APP: variants seen among roughly 807,000 people sequenced by gnomAD.
APP encodes the protein amyloid-beta precursor protein.
APP carries 31 observed loss-of-function variants against 101.4 expected under a neutral mutation model. The ratio of observed to expected loss-of-function variants is 0.31; its 90% CI spans 0.23 to 0.41. The LOEUF (loss-of-function observed/expected upper bound fraction) is 0.41. Ranked by LOEUF, APP falls within the 10% of genes least tolerant of loss-of-function variation. The probability of loss-of-function intolerance (pLI) is 1.00; values close to 1 mark genes in which losing one functional copy is unlikely to be tolerated. For synonymous variants in APP, 366 were observed against 364.4 expected (o/e 1.00, Z -0.05); for missense variants, 839 against 1,003.7 (o/e 0.84, Z 2.22).
intron 3 of APP, among the ~76,000 whole-genome samples, chr21:26,064,231 C>T (rs1285299542): frequency 6.6e-6 from 1 of 152,092 alleles, no homozygotes; most frequent in East Asian, 1.9e-4. Flanking sequence ...AAACTAAGGA[C>T]ATCTGAATAA....
At chr21:26,099,495 C>A (rs180908452) in intron 2 of APP, among the ~76,000 whole-genome samples, 2 of 152,162 alleles carry the variant, frequency 1.3e-5, no homozygotes, top group East Asian at 3.8e-4. Flanking sequence ...AAAATCGATG[C>A]CATTTCTAAG....
At chr21:25,899,739 CTG>C (rs1035233776) in intron 15 of APP, among the ~76,000 whole-genome samples, 15 of 152,310 alleles carry the variant, frequency 9.8e-5, no homozygotes, top group African/African-American at 2.6e-4. Flanking sequence ...CCTATAAAAA[CTG>C]TAAGAAACTA....
intron 3 of APP, among the ~76,000 whole-genome samples, chr21:26,066,101 T>C (rs1342331330): frequency 6.6e-6 from 1 of 152,186 alleles, no homozygotes; most frequent in African/African-American, 2.4e-5. Flanking sequence ...GCAGGGCTTC[T>C]CAAGCTTTAC....
intron 3 of APP, among the ~76,000 whole-genome samples, chr21:26,084,801 T>G (rs1046509516): frequency 3.3e-5 from 5 of 152,246 alleles, no homozygotes; most frequent in Admixed American, 6.5e-5. Flanking sequence ...TATTTTCTTT[T>G]ATTTTGGCAT....
At chr21:26,031,957 A>C (rs938246738) in intron 5 of APP, among the ~76,000 whole-genome samples, 2 of 152,232 alleles carry the variant, frequency 1.3e-5, no homozygotes, top group Admixed American at 1.3e-4. Flanking sequence ...GTCCAGGAGA[A>C]GAAGCCATGT....
chr21:26,166,385 A>G (rs1201153846), intron 1 of APP, among the ~76,000 whole-genome samples: 1 of 152,142 alleles, frequency 6.6e-6, no homozygotes, highest in African/African-American at 2.4e-5. Context: ...AGGGTTTGCA[A>G]AAGACGGCAT....
chr21:25,968,104 G>A (rs1158763126), intron 11 of APP, among the ~76,000 whole-genome samples: 1 of 152,088 alleles, frequency 6.6e-6, no homozygotes, highest in Admixed American at 6.5e-5. Context: ...TTCCCATGGG[G>A]AAAACAACTA....
At position 26,050,986 on chromosome 21, in the gene APP, A is replaced by T. The variant is rs1424452023; in HGVS notation, c.662+14T>A. On this transcript the variant is annotated intron_variant, in intron 5 of 17. Transcript: ENST00000346798. The stretch of plus-strand genomic sequence containing the variant: ...TTTCAGCATCTCTGAGGCTGAACAC[A>T]AAGGCCACCTTACCTCCCATCTGCA... 1.2e-6 allele frequency: 2 copies of T among 1,613,908 alleles called. No homozygotes were observed. Among genetic ancestry groups the T allele is most frequent in the Non-Finnish European group, 1.7e-6 (2 of 1,179,968 alleles).
intron 14 of APP, among the ~76,000 whole-genome samples, chr21:25,910,789 A>T (rs1229242846): frequency 4.6e-5 from 7 of 152,254 alleles, no homozygotes. Context: ...ACACAAATTA[A>T]GTCTTAAGCA....
intron 6 of APP, chr21:26,009,572 A>T (rs1028113715): frequency 2.0e-5 from 3 of 149,706 alleles, no homozygotes; most frequent in African/African-American, 7.3e-5. Flanking sequence ...GGCTTAGAAT[A>T]TACTTCCTTT....
intron 8 of APP, among the ~76,000 whole-genome samples, chr21:25,984,502 G>A (rs2042564463): frequency 6.6e-6 from 1 of 152,006 alleles, no homozygotes; most frequent in Non-Finnish European, 1.5e-5. Context: ...GACCTTTTTG[G>A]AAAAAAGGTA....
At chr21:25,984,356 C>G (rs9636777) in intron 8 of APP, among the ~76,000 whole-genome samples, 34,980 of 151,820 alleles carry the variant, frequency 0.23, 4,426 homozygotes, top group East Asian at 0.43. Context: ...CACAGGATCA[C>G]AAAGTGCAAC....
intron 1 of APP, among the ~76,000 whole-genome samples, chr21:26,129,533 G>T (rs2062750809): frequency 6.6e-6 from 1 of 152,012 alleles, no homozygotes. Context: ...AATCATGGTG[G>T]TTTGTTCCAA....
At chr21:25,887,857 T>C (rs2037439617) in intron 17 of APP, among the ~76,000 whole-genome samples, 1 of 152,204 alleles carries the variant, frequency 6.6e-6, no homozygotes, top group African/African-American at 2.4e-5. Context: ...TTTATGATGT[T>C]TGCACAGCGA....
rs2063352821 is a variant in APP, at chr21:26,155,324, CATA to C, written c.57+15237_57+15239del. Among the ~76,000 whole-genome samples, 7 of 152,106 alleles carry C rather than the reference CATA, an allele frequency of 4.6e-5. No individual in the cohort carries two copies. The South Asian group carries it at 1.4e-3, about 31-fold the overall frequency. On this transcript the variant is annotated intron_variant, in intron 1 of 17. Coordinates refer to ENST00000346798, the MANE Select transcript of APP (RefSeq NM_000484.4). ...ATGTGAAATGTGAACATTTTGAAGA[CATA>C]ATATGAAAAAATAATGTATTTCATA...
At chr21:26,078,461 T>G (rs1005339981) in intron 3 of APP, among the ~76,000 whole-genome samples, 2 of 152,150 alleles carry the variant, frequency 1.3e-5, no homozygotes, top group Non-Finnish European at 2.9e-5. Flanking sequence ...GTTCATTATT[T>G]AAAACATAAT....
At chr21:25,998,681 G>T (rs2043152727) in intron 7 of APP, among the ~76,000 whole-genome samples, 1 of 152,100 alleles carries the variant, frequency 6.6e-6, no homozygotes, top group South Asian at 2.1e-4. Flanking sequence ...TTAGGCAGGA[G>T]TCTCTCAAAA....
intron 2 of APP, among the ~76,000 whole-genome samples, chr21:26,111,581 A>T (rs1305571838): frequency 7.1e-6 from 1 of 140,318 alleles, no homozygotes; most frequent in Non-Finnish European, 1.5e-5. Context: ...ACTAAAAATT[A>T]AAAAAAATCA....
At chr21:26,004,670 T>C (rs1254349400) in intron 6 of APP, among the ~76,000 whole-genome samples, 1 of 152,212 alleles carries the variant, frequency 6.6e-6, no homozygotes, top group Non-Finnish European at 1.5e-5. Flanking sequence ...TTTTTTATTA[T>C]ACTTTAAGTT....
Sources: allele counts gnomAD v4.1 joint callset (sites outside exome capture counted in the v4.1 genomes callset), GRCh38; gene constraint gnomAD v4.1.1; transcripts MANE v1.5; gene names NCBI Gene and HGNC (gene_info 2026-07-23, HGNC 2026-07-21).